The following TRDN variants were observed in gnomAD, a reference collection of about 807,000 sequenced individuals.
The protein encoded by TRDN is triadin in skeletal muscle.
Under a neutral mutation model 149.7 loss-of-function variants are expected in TRDN, and 161 were observed. That is an observed-to-expected ratio of 1.08 (90% CI 0.95 to 1.23). The LOEUF is 1.23. Ranked by LOEUF, TRDN falls within the 50% of genes most tolerant of loss-of-function variation. TRDN has a pLI of 0.00. For missense variants in TRDN, 896 were observed against 823.5 expected, an observed-to-expected ratio of 1.09 and a Z score of -1.08; for synonymous variants, 294 against 250.5, an observed-to-expected ratio of 1.17 and a Z score of -1.64.
At position 123,501,926 on chromosome 6, in the gene TRDN, G is replaced by A. The variant is rs529503774; in HGVS notation, c.793+1793C>T. ...AATAAACATTATTTTAAAGTGTTCC[G>A]GTGATGAGTTTTTATCAATAAAATG... is the stretch of plus-strand genomic sequence containing the variant. On this transcript the variant is annotated intron_variant, in intron 8 of 40. Transcript: ENST00000334268. 175 of 984,540 alleles carry A rather than the reference G, an allele frequency of 1.8e-4. 1 individual carries two copies. Among genetic ancestry groups the A allele is most frequent in the African/African-American group, 3.7e-4 (21 of 57,296 alleles). 61.0% of individuals were successfully genotyped at this position (984,540 alleles called of 1,614,324 possible).
intron 23 of TRDN, among the ~76,000 whole-genome samples, chr6:123,328,241 T>G (rs950839559): frequency 6.6e-6 from 1 of 152,216 alleles, no homozygotes; most frequent in Non-Finnish European, 1.5e-5. Context: ...ATGGGACTGA[T>G]GCATGCCACC....
At chr6:123,290,333 C>T (rs761614236) in intron 24 of TRDN, among the ~76,000 whole-genome samples, 2 of 152,002 alleles carry the variant, frequency 1.3e-5, no homozygotes, top group South Asian at 4.2e-4. Flanking sequence ...GCTCTATCTA[C>T]AGGCATTGTG....
chr6:123,430,548 C>G (rs1774298473), intron 12 of TRDN, among the ~76,000 whole-genome samples: 1 of 151,926 alleles, frequency 6.6e-6, no homozygotes, highest in Admixed American at 6.6e-5. Context: ...CGCCACTGCA[C>G]TCCAGCCTGG....
chr6:123,294,340 C>T (rs1778115587), intron 24 of TRDN, among the ~76,000 whole-genome samples: 1 of 152,124 alleles, frequency 6.6e-6, no homozygotes, highest in African/African-American at 2.4e-5. Flanking sequence ...AACTTGGTTG[C>T]TATCTTGTTA....
intron 24 of TRDN, among the ~76,000 whole-genome samples, chr6:123,282,966 T>C (rs1311967240): frequency 2.0e-5 from 3 of 151,824 alleles, no homozygotes; most frequent in Non-Finnish European, 2.9e-5. Context: ...AATAATTTGG[T>C]ATAAGAGCAG....
At chr6:123,419,677 T>C (rs1773811582) in intron 12 of TRDN, among the ~76,000 whole-genome samples, 1 of 152,178 alleles carries the variant, frequency 6.6e-6, no homozygotes, top group Non-Finnish European at 1.5e-5. Flanking sequence ...GCTTCTGAGA[T>C]GGAGCACAAT....
intron 1 of TRDN, among the ~76,000 whole-genome samples, chr6:123,633,826 A>G (rs1390033833): frequency 6.6e-6 from 1 of 151,978 alleles, no homozygotes; most frequent in Non-Finnish European, 1.5e-5. Flanking sequence ...AGGTGAGGTT[A>G]TAGGCACGAC....
chr6:123,465,108 T>C, intron 9 of TRDN, 125 bp from the exon 10 acceptor site: 1 of 1,064,550 alleles, frequency 9.4e-7, no homozygotes, highest in Non-Finnish European at 1.3e-6. Context: ...ATAAATCATA[T>C]TATTATGCAA....
In TRDN at chr6:123,636,438, G is replaced by C. The variant is rs75227492; in HGVS notation, c.22+316C>G. Among the ~76,000 whole-genome samples the C allele has an allele frequency of 7.3e-3, 1,104 of 152,062 alleles. 61 individuals are homozygous for C. The East Asian group carries it at 0.16, about 22-fold the overall frequency. On this transcript the variant is annotated intron_variant, in intron 1 of 40. Coordinates refer to ENST00000334268, the MANE Select transcript of TRDN (RefSeq NM_006073.4). ...AAACTTTGTAATTTTTGCTGGATAA[G>C]ATATCGGCCATCATGTTACATGACC... is the stretch of plus-strand genomic sequence containing the variant.
chr6:123,596,505 T>C (rs538374326), intron 1 of TRDN, among the ~76,000 whole-genome samples: 62 of 152,230 alleles, frequency 4.1e-4, no homozygotes, highest in African/African-American at 1.5e-3. Flanking sequence ...AACAGCCTTA[T>C]ATTGAAAGAA....
intron 25 of TRDN, 31 bp from the exon 26 acceptor site, chr6:123,278,378 G>C: frequency 8.3e-7 from 1 of 1,205,432 alleles, no homozygotes; most frequent in Non-Finnish European, 1.1e-6. Context: ...TAGTAACAAT[G>C]ATTATAGAAA....
chr6:123,315,578 T>C (rs535453068), intron 24 of TRDN, among the ~76,000 whole-genome samples: 28 of 152,022 alleles, frequency 1.8e-4, no homozygotes, highest in Admixed American at 1.1e-3. Flanking sequence ...ATGCAAAAAT[T>C]TTTAGACCAA....
chr6:123,344,509 T>C lies in TRDN; in HGVS notation c.1370-6840A>G, dbSNP rs138104575. Among the ~76,000 whole-genome samples, 22 of 152,202 alleles carry C rather than the reference T, an allele frequency of 1.4e-4. No homozygotes were observed. The East Asian group carries it at 3.9e-3, about 27-fold the overall frequency. On this transcript the variant is annotated intron_variant, in intron 21 of 40. Transcript: ENST00000334268. ...TACTTTTGCCTTTTCCAGAATGTCA[T>C]ACAGTTGTAATTATACAACATGTTG...
At chr6:123,598,244 A>G (rs185938938) in intron 1 of TRDN, among the ~76,000 whole-genome samples, 4 of 152,214 alleles carry the variant, frequency 2.6e-5, no homozygotes, top group Admixed American at 2.6e-4. Context: ...TTCAAGGTAA[A>G]TAGCAGTACT....
At chr6:123,285,220 G>C (rs925282383) in intron 24 of TRDN, among the ~76,000 whole-genome samples, 3 of 151,812 alleles carry the variant, frequency 2.0e-5, no homozygotes, top group Non-Finnish European at 4.4e-5. Context: ...CCAGAAAAGA[G>C]CCACAGAGCC....
At chr6:123,314,737 C>T (rs991620778) in intron 24 of TRDN, among the ~76,000 whole-genome samples, 4 of 152,040 alleles carry the variant, frequency 2.6e-5, no homozygotes, top group African/African-American at 9.7e-5. Flanking sequence ...GAAACTAATG[C>T]AGGGACAGAA....
chr6:123,457,637 T>C (rs1448810318), intron 10 of TRDN: 1 of 424,790 alleles, frequency 2.4e-6, no homozygotes, highest in African/African-American at 2.1e-5. Flanking sequence ...CAGTTATTAA[T>C]ACTTACCTAC....
intron 21 of TRDN, among the ~76,000 whole-genome samples, chr6:123,340,196 A>G (rs768963111): frequency 6.6e-6 from 1 of 152,156 alleles, no homozygotes; most frequent in Admixed American, 6.6e-5. Context: ...AAGACAAAAG[A>G]CTGAAATAGT....
At chr6:123,436,862 C>T (rs1774593164) in intron 12 of TRDN, among the ~76,000 whole-genome samples, 1 of 152,022 alleles carries the variant, frequency 6.6e-6, no homozygotes, top group African/African-American at 2.4e-5. Context: ...ATACACAAGC[C>T]CTAGAAGATC....
Sources: gnomAD v4.1 joint callset for allele counts (sites outside exome capture counted in the v4.1 genomes callset) on GRCh38, gnomAD v4.1.1 for gene constraint, MANE v1.5 for transcripts, NCBI Gene and HGNC (gene_info 2026-07-23, HGNC 2026-07-21) for gene names.